The following HEATR5B variants were observed in gnomAD, a reference collection of about 807,000 sequenced individuals.
HEATR5B encodes the protein HEAT repeat-containing protein 5B.
A neutral mutation model predicts 224.1 loss-of-function variants in HEATR5B; 156 were observed. That is an observed-to-expected ratio of 0.70 (90% CI 0.61 to 0.80). The LOEUF (loss-of-function observed/expected upper bound fraction) is 0.80. Among genes scored for constraint, HEATR5B ranks in the 30% least tolerant of loss-of-function variants. The probability of loss-of-function intolerance (pLI) is 0.00; values close to 1 mark genes in which losing one functional copy is unlikely to be tolerated. For missense variants in HEATR5B, 2,323 were observed against 2,535.5 expected (o/e 0.92, Z 1.80); for synonymous variants, 1,027 against 893.0 (o/e 1.15, Z -2.68).
chr2:37,033,661 T>A (rs1669281964), intron 21 of HEATR5B, among the ~76,000 whole-genome samples: 1 of 152,186 alleles, frequency 6.6e-6, no homozygotes, highest in East Asian at 1.9e-4. Context: ...AGATGCAACA[T>A]GGCATAAAAG....
chr2:37,050,198 A>C (rs1279178556), intron 17 of HEATR5B, among the ~76,000 whole-genome samples: 1 of 152,172 alleles, frequency 6.6e-6, no homozygotes, highest in East Asian at 1.9e-4. Context: ...ATTCATATTA[A>C]ATAAAGGAAA....
intron 33 of HEATR5B, among the ~76,000 whole-genome samples, chr2:36,997,648 C>G (rs960678098): frequency 1.4e-5 from 2 of 145,148 alleles, no homozygotes; most frequent in Non-Finnish European, 3.0e-5. Flanking sequence ...CTCACTGCAA[C>G]CTCTGCCACC....
At chr2:37,072,493 C>G (rs1301148101) in intron 5 of HEATR5B, among the ~76,000 whole-genome samples, 2 of 152,168 alleles carry the variant, frequency 1.3e-5, no homozygotes, top group East Asian at 3.8e-4. Context: ...AGCCTACTGC[C>G]TTGAGAGAGT....
chr2:37,013,734 G>A (rs1667936396), intron 27 of HEATR5B, 107 bp downstream of exon 27: 1 of 789,126 alleles, frequency 1.3e-6, no homozygotes, highest in Non-Finnish European at 2.0e-6. Flanking sequence ...CCATATCAAG[G>A]GTTAGTTTTT....
intron 24 of HEATR5B, among the ~76,000 whole-genome samples, chr2:37,025,183 A>G (rs1668692430): frequency 6.6e-6 from 1 of 152,132 alleles, no homozygotes; most frequent in Non-Finnish European, 1.5e-5. Context: ...ATCCTGTTAG[A>G]AAGGATCCAG....
rs1247775256 is a variant in HEATR5B, at chr2:37,079,109, T to C, written c.338+11A>G. 3.3e-6 allele frequency: 5 copies of C among 1,523,816 alleles called. No homozygotes were observed. The South Asian group carries it at 5.8e-5, about 18-fold the overall frequency. The allele number at this position is 1,523,816 out of a possible 1,614,324, so 94.4% of individuals were successfully genotyped here. On this transcript the variant is annotated intron_variant, in intron 3 of 35. Transcript: ENST00000233099. ...AAAACTTCAAGGGCCCCTATTAAAG[T>C]AAGTACTTACAATTTTGTTGGTAAG... is the stretch of plus-strand genomic sequence containing the variant.
intron 21 of HEATR5B, 152 bp from the exon 22 acceptor site, chr2:37,032,925 G>C (rs1247348355): frequency 1.5e-6 from 1 of 658,982 alleles, no homozygotes; most frequent in African/African-American, 1.9e-5. Flanking sequence ...TTGTTGCCCA[G>C]GCTGGAGCGC....
intron 18 of HEATR5B, among the ~76,000 whole-genome samples, chr2:37,043,324 AAGTGGACT>A (rs1669993683): frequency 6.6e-6 from 1 of 152,262 alleles, no homozygotes; most frequent in Non-Finnish European, 1.5e-5. Context: ...TTCAAAGCAA[AAGTGGACT>A]AGTTAAGAGC....
intron 8 of HEATR5B, among the ~76,000 whole-genome samples, chr2:37,067,015 G>A (rs1336883200): frequency 1.3e-5 from 2 of 151,968 alleles, no homozygotes; most frequent in African/African-American, 4.8e-5. Flanking sequence ...GACTACAGGT[G>A]TACGCCACCA....
chr2:37,005,141 A>G (rs555438626), intron 30 of HEATR5B, among the ~76,000 whole-genome samples: 22 of 152,300 alleles, frequency 1.4e-4, no homozygotes, highest in Admixed American at 7.2e-4. Flanking sequence ...TGTTCCATTC[A>G]TATCGGCCAT....
intron 35 of HEATR5B, among the ~76,000 whole-genome samples, chr2:36,983,636 G>A (rs895550131): frequency 6.6e-6 from 1 of 152,112 alleles, no homozygotes; most frequent in Admixed American, 6.5e-5. Context: ...GCTGAGGCAG[G>A]AGAATCGCTT....
At chr2:37,027,877 A>G (rs1239786297) in intron 24 of HEATR5B, 46 bp downstream of exon 24, 1 of 1,591,464 alleles carries the variant, frequency 6.3e-7, no homozygotes, top group African/African-American at 1.4e-5. Context: ...AAAATGTCTC[A>G]AGGTGTAAAA....
At chr2:36,996,447 T>C (rs186794728) in intron 33 of HEATR5B, among the ~76,000 whole-genome samples, 9 of 150,840 alleles carry the variant, frequency 6.0e-5, no homozygotes, top group African/African-American at 1.7e-4. Context: ...TTTTTTGAAA[T>C]GGAATCTCGC....
chr2:37,029,936 AAAATAAAT>A (rs150155666), intron 22 of HEATR5B, among the ~76,000 whole-genome samples: 73 of 142,528 alleles, frequency 5.1e-4, no homozygotes, highest in South Asian at 4.2e-3. Flanking sequence ...TCTATCTCAA[AAAATAAAT>A]AAATAAATAA....
intron 21 of HEATR5B, among the ~76,000 whole-genome samples, chr2:37,037,145 G>GAGATATATATATATATATATATATATAT: frequency 3.4e-5 from 3 of 89,140 alleles, no homozygotes; most frequent in African/African-American, 1.1e-4. Flanking sequence ...CTAAAAATGT[G>GAGATATATATATATATATATATATATAT]ATATATATAT....
rs541359926 is a variant in HEATR5B, at chr2:36,989,144, G to A, written c.5698-285C>T. On this transcript the variant is annotated intron_variant, in intron 34 of 35. Coordinates refer to ENST00000233099, the MANE Select transcript of HEATR5B (RefSeq NM_019024.3). The stretch of plus-strand genomic sequence containing the variant: ...CTCTGTCGCCAGGCTAGAGTGCAGT[G>A]GCACCATTTTGGCTCACTGCAATCT... 7.9e-5 allele frequency among the ~76,000 whole-genome samples: 12 copies of A among 152,196 alleles called. No homozygotes were observed. In the South Asian group the frequency reaches 1.5e-3, roughly 18 times the overall value.
intron 24 of HEATR5B, among the ~76,000 whole-genome samples, chr2:37,022,852 T>C (rs1487345456): frequency 6.6e-6 from 1 of 152,100 alleles, no homozygotes; most frequent in African/African-American, 2.4e-5. Flanking sequence ...CCAAAATTAT[T>C]TTGGAATACA....
chr2:37,077,136 T>C, intron 3 of HEATR5B, 117 bp from the exon 4 acceptor site: 1 of 785,854 alleles, frequency 1.3e-6, no homozygotes, highest in South Asian at 1.6e-5. Flanking sequence ...TAATCCTTAA[T>C]TTCAACTATC....
At position 36,981,310 on chromosome 2, in the gene HEATR5B, A is replaced by C; in HGVS notation, c.*180T>G. 2.2e-6 allele frequency: 1 copy of C among 458,752 alleles called. No homozygotes were observed. The highest frequency in any genetic ancestry group is 5.2e-5 in the South Asian group (1 of 19,284). 28.4% of individuals were successfully genotyped at this position (458,752 alleles called of 1,614,324 possible). A position where few individuals can be genotyped will look rare whatever the true frequency, so the allele number is the denominator to read the frequency against. ...GAAAACATATTCACCACATGATAAA[A>C]AAAATCACTCCTTAAAAATCAATAA... On this transcript the variant is annotated 3_prime_UTR_variant, in exon 36 of 36. Coordinates refer to ENST00000233099, the MANE Select transcript of HEATR5B (RefSeq NM_019024.3).
Sources: allele counts gnomAD v4.1 joint callset (sites outside exome capture counted in the v4.1 genomes callset), GRCh38; gene constraint gnomAD v4.1.1; transcripts MANE v1.5; gene names NCBI Gene and HGNC (gene_info 2026-07-23, HGNC 2026-07-21).